The following PHF20 variants were observed in gnomAD, a reference collection of about 807,000 sequenced individuals.
PHF20 encodes the protein PHD finger protein 20, also known as glioma-expressed antigen 2.
Under a neutral mutation model 113.5 loss-of-function variants are expected in PHF20, and 23 were observed. The observed-to-expected ratio is 0.20, with a 90% CI of 0.15 to 0.29. The LOEUF is 0.29. Ranked by LOEUF, PHF20 falls within the 10% of genes least tolerant of loss-of-function variation. The pLI, the probability that PHF20 is intolerant of heterozygous loss-of-function variation, is 1.00. For missense variants in PHF20, 943 were observed against 1,219.6 expected (o/e 0.77, Z 3.38); for synonymous variants, 434 against 457.3 (o/e 0.95, Z 0.65).
At chr20:35,865,817 C>G (rs1403264429) in intron 6 of PHF20, among the ~76,000 whole-genome samples, 1 of 152,092 alleles carries the variant, frequency 6.6e-6, no homozygotes, top group East Asian at 1.9e-4. Context: ...ACCAAACCCT[C>G]TTATGTGATG....
chr20:35,797,244 G>A (rs1239866711), intron 1 of PHF20, among the ~76,000 whole-genome samples: 1 of 151,810 alleles, frequency 6.6e-6, no homozygotes, highest in Non-Finnish European at 1.5e-5. Flanking sequence ...CGGGCGTGGT[G>A]GCTCATGCCT....
At chr20:35,889,118 C>T (rs1032548537) in intron 9 of PHF20, among the ~76,000 whole-genome samples, 2 of 148,024 alleles carry the variant, frequency 1.4e-5, no homozygotes, top group African/African-American at 2.5e-5. Flanking sequence ...TGGGCTCAAG[C>T]GATTCTCCTG....
At chr20:35,855,850 C>T (rs2042817286) in intron 4 of PHF20, among the ~76,000 whole-genome samples, 1 of 151,694 alleles carries the variant, frequency 6.6e-6, no homozygotes, top group African/African-American at 2.4e-5. Flanking sequence ...ATGTTTTTTG[C>T]ATTTTTTCAG....
chr20:35,933,812 C>T (rs886932856), intron 15 of PHF20, among the ~76,000 whole-genome samples: 1 of 152,198 alleles, frequency 6.6e-6, no homozygotes, highest in African/African-American at 2.4e-5. Context: ...TGATAACAGG[C>T]GTGGGCCACT....
At chr20:35,773,430 T>C (rs2041104032) in intron 1 of PHF20, among the ~76,000 whole-genome samples, 1 of 152,132 alleles carries the variant, frequency 6.6e-6, no homozygotes, top group African/African-American at 2.4e-5. Flanking sequence ...CGAGTGCGTA[T>C]CTTTGTTCAG....
intron 2 of PHF20, among the ~76,000 whole-genome samples, chr20:35,825,700 A>G (rs1028763327): frequency 7.9e-5 from 12 of 150,982 alleles, no homozygotes; most frequent in African/African-American, 2.9e-4. Flanking sequence ...CTGGAGTACA[A>G]TGGCTATTTA....
At chr20:35,825,838 A>T (rs1169742702) in intron 2 of PHF20, among the ~76,000 whole-genome samples, 2 of 151,816 alleles carry the variant, frequency 1.3e-5, no homozygotes. Flanking sequence ...TTATTTTAAA[A>T]ATACTTTTTG....
intron 9 of PHF20, among the ~76,000 whole-genome samples, chr20:35,893,937 T>C (rs955275155): frequency 2.6e-5 from 4 of 152,234 alleles, no homozygotes; most frequent in African/African-American, 9.6e-5. Flanking sequence ...TTATTTATGT[T>C]TTAAAAAGAT....
At chr20:35,946,731 G>A (rs974995477) in intron 17 of PHF20, among the ~76,000 whole-genome samples, 2 of 147,176 alleles carry the variant, frequency 1.4e-5, no homozygotes, top group Non-Finnish European at 3.0e-5. Context: ...TATTTTTTGA[G>A]ATGGAGTCTC....
Position 35,899,565 on chromosome 20 carries a change from A to G in PHF20, c.1478A>G (p.His493Arg), listed in dbSNP as rs200376888. 151 of 1,614,138 alleles carry G rather than the reference A, an allele frequency of 9.4e-5. No homozygotes were observed. Among genetic ancestry groups the G allele is most frequent in the Non-Finnish European group, 1.3e-4 (148 of 1,179,984 alleles). Residue 493 changes from histidine to arginine, a missense_variant, in exon 10 of 18, where the codon CAT becomes CGT. Physicochemically the swap from His to Arg is conservative, Grantham distance 29. This residue lies in a region of PHF20 where 592 missense variants were observed against 787.2 expected (regional missense o/e 0.75). Coordinates refer to ENST00000374012, the MANE Select transcript of PHF20 (RefSeq NM_016436.5). The stretch of plus-strand genomic sequence containing the variant: ...CCAGAAGAGAGCCCGGGAAAGAGGC[A>G]TGTCCAAACCAGGGGCCCTTCAGCT... ...LEPEESPGKR[H>R]VQTRGPSASD...
chr20:35,878,967 C>G (rs563755659), intron 9 of PHF20, among the ~76,000 whole-genome samples: 1 of 152,250 alleles, frequency 6.6e-6, no homozygotes, highest in Admixed American at 6.5e-5. Context: ...TTAAAAGAAA[C>G]ATGTCACCTA....
Position 35,847,451 on chromosome 20 carries a change from G to A in PHF20, c.340+17G>A. 6.4e-7 allele frequency: 1 copy of A among 1,568,114 alleles called. No homozygotes were observed. The highest frequency in any genetic ancestry group is 1.1e-5 in the South Asian group (1 of 88,938). On this transcript the variant is annotated intron_variant, in intron 4 of 17. Transcript: ENST00000374012. The stretch of plus-strand genomic sequence containing the variant: ...ACAAGGATGGTAAGGCATTTGAGTT[G>A]TAGTTGTTTTTACTCATGACTTAGG...
chr20:35,836,020 TG>T, intron 2 of PHF20, among the ~76,000 whole-genome samples: 1 of 151,126 alleles, frequency 6.6e-6, no homozygotes. Context: ...TATTATTACC[TG>T]TTTTTTAGAT....
chr20:35,833,665 A>G (rs2042390578), intron 2 of PHF20, among the ~76,000 whole-genome samples: 1 of 152,134 alleles, frequency 6.6e-6, no homozygotes, highest in Non-Finnish European at 1.5e-5. Context: ...GTTTGATCCA[A>G]AGGCTAAGTC....
intron 14 of PHF20, among the ~76,000 whole-genome samples, chr20:35,930,509 A>T (rs985659019): frequency 6.6e-6 from 1 of 152,070 alleles, no homozygotes; most frequent in South Asian, 2.1e-4. Context: ...AAAAAATGAA[A>T]GAAAGAAAGA....
chr20:35,897,257 C>T (rs1422542504), intron 9 of PHF20, among the ~76,000 whole-genome samples: 2 of 151,660 alleles, frequency 1.3e-5, no homozygotes, highest in Non-Finnish European at 2.9e-5. Context: ...CTACACTGGT[C>T]TTGAGGATCC....
At chr20:35,791,948 T>A (rs1198638255) in intron 1 of PHF20, among the ~76,000 whole-genome samples, 1 of 152,084 alleles carries the variant, frequency 6.6e-6, no homozygotes, top group Admixed American at 6.6e-5. Context: ...AATTGAGTAA[T>A]ATGCGAAAGG....
At chr20:35,928,013 C>T in intron 14 of PHF20, 134 bp downstream of exon 14, 1 of 687,536 alleles carries the variant, frequency 1.5e-6, no homozygotes, top group South Asian at 1.7e-5. Context: ...CTCCTCCTCG[C>T]CTCTGTTGCT....
chr20:35,781,990 C>T lies in PHF20; in HGVS notation c.-33+9911C>T, dbSNP rs1343874330. On this transcript the variant is annotated intron_variant, in intron 1 of 17. Coordinates refer to ENST00000374012, the MANE Select transcript of PHF20 (RefSeq NM_016436.5). The stretch of plus-strand genomic sequence containing the variant: ...TAACTCTGTACCCATTAAACACTGA[C>T]TCCCTCTTTCATGAACCTCCTCCCA... Among the ~76,000 whole-genome samples the T allele has an allele frequency of 2.0e-5, 3 of 152,122 alleles. No homozygotes were observed. In the East Asian group the frequency reaches 5.8e-4, roughly 29 times the overall value.
Sources: gnomAD v4.1 joint callset for allele counts (sites outside exome capture counted in the v4.1 genomes callset) on GRCh38, gnomAD v4.1.1 for gene constraint, gnomAD v4.1.1 regional missense constraint, MANE v1.5 for transcripts, NCBI Gene and HGNC (gene_info 2026-07-23, HGNC 2026-07-21) for gene names.